Variants in EYS observed in about 807,000 individuals in gnomAD.
EYS encodes the protein protein eyes shut homolog.
A neutral mutation model predicts 282.1 loss-of-function variants in EYS; 250 were observed. That is an observed-to-expected ratio of 0.89 (90% CI 0.80 to 0.98). The LOEUF (loss-of-function observed/expected upper bound fraction) is 0.98. Among genes scored for constraint, EYS ranks in the 50% least tolerant of loss-of-function variants. The pLI, the probability that EYS is intolerant of heterozygous loss-of-function variation, is 0.00. For missense variants in EYS, 4,016 were observed against 3,709.0 expected, an observed-to-expected ratio of 1.08 and a Z score of -2.15; for synonymous variants, 1,355 against 1,282.9, an observed-to-expected ratio of 1.06 and a Z score of -1.20.
intron 26 of EYS, among the ~76,000 whole-genome samples, chr6:64,502,332 C>A (rs1328549941): frequency 1.3e-5 from 2 of 152,050 alleles, no homozygotes; most frequent in Non-Finnish European, 2.9e-5. Context: ...GCTCCGCCTC[C>A]GGGGTTCTCG....
rs143020129 is a variant in EYS, at chr6:64,268,761, A to G, written c.6192-37937T>C. Among the ~76,000 whole-genome samples, 1,313 of 152,208 alleles carry G rather than the reference A, an allele frequency of 8.6e-3. 26 individuals carry two copies. Among genetic ancestry groups the G allele is most frequent in the African/African-American group, 0.029 (1,203 of 41,536 alleles). ...AATACATAATGGTGCTATTTACAAA[A>G]ATGAGATGAGTATGGGAGGGGGCAG... On this transcript the variant is annotated intron_variant, in intron 30 of 42. Coordinates refer to ENST00000503581, the MANE Select transcript of EYS (RefSeq NM_001142800.2).
At chr6:64,547,840 G>A (rs1764930538) in intron 26 of EYS, among the ~76,000 whole-genome samples, 1 of 152,196 alleles carries the variant, frequency 6.6e-6, no homozygotes, top group Non-Finnish European at 1.5e-5. Flanking sequence ...CTCAGGCATG[G>A]CGGGCTACAG....
chr6:65,465,665 A>T (rs183869284), intron 5 of EYS, among the ~76,000 whole-genome samples: 7 of 152,294 alleles, frequency 4.6e-5, no homozygotes, highest in Admixed American at 4.6e-4. Flanking sequence ...TTCAAATTGG[A>T]GGAACTTTCT....
At chr6:63,990,964 GA>G (rs544721045) in intron 34 of EYS, among the ~76,000 whole-genome samples, 338 of 151,748 alleles carry the variant, frequency 2.2e-3, no homozygotes, top group African/African-American at 7.9e-3. Flanking sequence ...AATGTTACAA[GA>G]GACTAATATC....
At chr6:64,703,439 T>A (rs1288233935) in intron 22 of EYS, among the ~76,000 whole-genome samples, 2 of 105,438 alleles carry the variant, frequency 1.9e-5, no homozygotes, top group Admixed American at 1.0e-4. Context: ...ATTTTTTTTT[T>A]TTTTTTTTGA....
chr6:64,722,073 T>A (rs4710488), intron 22 of EYS, among the ~76,000 whole-genome samples: 149,235 of 152,252 alleles, frequency 0.98, 73,174 homozygotes, highest in Non-Finnish European at 1. Flanking sequence ...CATAATAAAC[T>A]GTACAGTAGA....
chr6:64,449,252 A>G (rs1252540270), intron 26 of EYS, among the ~76,000 whole-genome samples: 1 of 152,192 alleles, frequency 6.6e-6, no homozygotes, highest in Non-Finnish European at 1.5e-5. Flanking sequence ...AAGAAAGGGT[A>G]TCAGCGATGG....
At chr6:65,045,886 T>C (rs1000340407) in intron 13 of EYS, among the ~76,000 whole-genome samples, 2 of 151,938 alleles carry the variant, frequency 1.3e-5, no homozygotes, top group African/African-American at 4.8e-5. Flanking sequence ...AGTTGGTAGA[T>C]TTGTTATAGC....
At chr6:65,491,679 G>A (rs1450732514) in intron 4 of EYS, 1 of 370,976 alleles carries the variant, frequency 2.7e-6, no homozygotes, top group South Asian at 2.2e-5. Context: ...TAAATTAACA[G>A]TATAATGCCA....
At chr6:64,379,533 T>C (rs1473776635) in intron 29 of EYS, 1 of 152,168 alleles carries the variant, frequency 6.6e-6, no homozygotes, top group African/African-American at 2.4e-5. Context: ...TAGTTTAAAC[T>C]ATAGACCTGA....
At chr6:65,669,430 A>G (rs1254332927) in intron 1 of EYS, among the ~76,000 whole-genome samples, 5 of 152,016 alleles carry the variant, frequency 3.3e-5, no homozygotes, top group Non-Finnish European at 5.9e-5. Flanking sequence ...CTTTTGTAAT[A>G]GGGTTTCTGG....
intron 22 of EYS, 69 bp from the exon 23 acceptor site, chr6:64,626,314 G>C: frequency 6.8e-7 from 1 of 1,472,412 alleles, no homozygotes. Context: ...TTTCATCTTG[G>C]GATTCCATCA....
At chr6:65,005,372 A>T (rs374133589) in intron 13 of EYS, among the ~76,000 whole-genome samples, 15 of 147,566 alleles carry the variant, frequency 1.0e-4, no homozygotes, top group African/African-American at 3.6e-4. Flanking sequence ...ATGGCCCAAG[A>T]TTCCATTCCT....
rs149178377 is a variant in EYS at position 64,092,259 on chromosome 6, A to G, written c.6425-10257T>C. 7.3e-3 allele frequency among the ~76,000 whole-genome samples: 1,107 copies of G among 152,320 alleles called. 22 individuals are homozygous for G. Among genetic ancestry groups the G allele is most frequent in the African/African-American group, 0.024 (1,017 of 41,552 alleles). ...CAGCATGATTTATAATCCTTTGGGT[A>G]TATACCCAGTAATGGGATGGGTGGG... On this transcript the variant is annotated intron_variant, in intron 31 of 42. Coordinates refer to ENST00000503581, the MANE Select transcript of EYS (RefSeq NM_001142800.2).
chr6:65,638,407 C>G (rs981197820), intron 2 of EYS, among the ~76,000 whole-genome samples: 1 of 152,186 alleles, frequency 6.6e-6, no homozygotes, highest in African/African-American at 2.4e-5. Flanking sequence ...GAAACTCCCC[C>G]CGATCGCCAT....
At chr6:65,527,256 C>T (rs1269657442) in intron 2 of EYS, among the ~76,000 whole-genome samples, 1 of 152,168 alleles carries the variant, frequency 6.6e-6, no homozygotes, top group African/African-American at 2.4e-5. Flanking sequence ...ACCTATATCA[C>T]CTCCCTAACT....
At chr6:64,326,445 G>T (rs1770425936) in intron 29 of EYS, among the ~76,000 whole-genome samples, 2 of 152,162 alleles carry the variant, frequency 1.3e-5, no homozygotes, top group Non-Finnish European at 2.9e-5. Flanking sequence ...TCTGTAACTT[G>T]CTTCCCATCT....
chr6:64,461,441 T>C (rs1179723599), intron 26 of EYS, among the ~76,000 whole-genome samples: 1 of 152,070 alleles, frequency 6.6e-6, no homozygotes, highest in African/African-American at 2.4e-5. Flanking sequence ...ATTCCCAACA[T>C]GGAGATGAGC....
At chr6:65,080,250 C>T (rs1411387263) in intron 12 of EYS, among the ~76,000 whole-genome samples, 1 of 152,020 alleles carries the variant, frequency 6.6e-6, no homozygotes, top group Non-Finnish European at 1.5e-5. Context: ...GTATTATTGC[C>T]ATTAGGAAAA....
Sources: allele counts gnomAD v4.1 joint callset (sites outside exome capture counted in the v4.1 genomes callset), GRCh38; gene constraint gnomAD v4.1.1; transcripts MANE v1.5; gene names NCBI Gene and HGNC (gene_info 2026-07-23, HGNC 2026-07-21).